RPS6KC1: variants seen among roughly 807,000 people sequenced by gnomAD.
The protein encoded by RPS6KC1 is inactive ribosomal protein S6 kinase delta-1.
RPS6KC1 carries 54 observed loss-of-function variants against 103.8 expected under a neutral mutation model. The ratio of observed to expected loss-of-function variants is 0.52; its 90% CI spans 0.42 to 0.65. The LOEUF is 0.65. RPS6KC1 is among the 30% of genes least tolerant of loss of function. The pLI, the probability that RPS6KC1 is intolerant of heterozygous loss-of-function variation, is 0.00. For synonymous variants in RPS6KC1, 439 were observed against 438.7 expected (o/e 1.00, Z -0.01); for missense variants, 1,151 against 1,253.8 (o/e 0.92, Z 1.24).
At chr1:213,586,079 C>T in the RPS6KC1 span, among the ~76,000 whole-genome samples, 1 of 152,200 alleles carries the variant, frequency 6.6e-6, no homozygotes, top group African/African-American at 2.4e-5. Context: ...CGATTCTTTG[C>T]TCCCTCTCTG....
chr1:213,653,718 G>C, the RPS6KC1 span, among the ~76,000 whole-genome samples: 2 of 152,164 alleles, frequency 1.3e-5, no homozygotes, highest in African/African-American at 2.4e-5. Flanking sequence ...TTTTGCTTAT[G>C]GTTGTAACGC....
intron 14 of RPS6KC1, among the ~76,000 whole-genome samples, chr1:213,263,861 A>G (rs557894818): frequency 1.3e-5 from 2 of 152,194 alleles, no homozygotes; most frequent in African/African-American, 4.8e-5. Context: ...TAATCCGTGG[A>G]GTGGTAGTAT....
intron 6 of RPS6KC1, among the ~76,000 whole-genome samples, chr1:213,151,964 G>A (rs1476358175): frequency 5.6e-5 from 7 of 125,174 alleles, no homozygotes; most frequent in African/African-American, 9.7e-5. Context: ...GGGGCGGCTG[G>A]CCGGGCAGAG....
chr1:213,522,531 G>T, the RPS6KC1 span, among the ~76,000 whole-genome samples: 1 of 152,312 alleles, frequency 6.6e-6, no homozygotes, highest in East Asian at 1.9e-4. Context: ...CTCTAGCTAT[G>T]AAAGTCCTAG....
At chr1:213,654,555 A>G in the RPS6KC1 span, among the ~76,000 whole-genome samples, 2 of 152,204 alleles carry the variant, frequency 1.3e-5, no homozygotes, top group Non-Finnish European at 2.9e-5. Flanking sequence ...CATAATCTCA[A>G]GAACATCCAT....
the RPS6KC1 span, among the ~76,000 whole-genome samples, chr1:213,326,848 A>G: frequency 4.6e-5 from 7 of 152,178 alleles, no homozygotes; most frequent in Admixed American, 3.3e-4. Flanking sequence ...ACAGATTCAG[A>G]CAGATTTGGG....
the RPS6KC1 span, among the ~76,000 whole-genome samples, chr1:213,323,214 A>C: frequency 6.6e-6 from 1 of 151,854 alleles, no homozygotes; most frequent in Non-Finnish European, 1.5e-5. Flanking sequence ...CCCACCCCAT[A>C]ATCTAGGATA....
the RPS6KC1 span, among the ~76,000 whole-genome samples, chr1:213,844,695 G>T: frequency 3.9e-5 from 6 of 152,128 alleles, no homozygotes; most frequent in Non-Finnish European, 5.9e-5. Flanking sequence ...TTTATGTGAT[G>T]ATGCATTTAT....
At chr1:213,808,795 G>A in the RPS6KC1 span, among the ~76,000 whole-genome samples, 3 of 152,162 alleles carry the variant, frequency 2.0e-5, no homozygotes, top group African/African-American at 4.8e-5. Context: ...ACTGACCTGC[G>A]CCCACTGTCT....
At chr1:213,536,622 G>A in the RPS6KC1 span, among the ~76,000 whole-genome samples, 9 of 152,270 alleles carry the variant, frequency 5.9e-5, no homozygotes, top group East Asian at 9.6e-4. Context: ...AAGGTGAGCC[G>A]TTGAGTGTGT....
At chr1:213,771,014 T>C in the RPS6KC1 span, among the ~76,000 whole-genome samples, 1 of 152,206 alleles carries the variant, frequency 6.6e-6, no homozygotes, top group Non-Finnish European at 1.5e-5. Flanking sequence ...AGGGGCTTTG[T>C]CCAGGATGTG....
chr1:213,768,755 T>G, the RPS6KC1 span, among the ~76,000 whole-genome samples: 1 of 152,210 alleles, frequency 6.6e-6, no homozygotes. Flanking sequence ...ATTAGTAAAC[T>G]CTTTCAATGG....
chr1:213,526,371 A>G, the RPS6KC1 span, among the ~76,000 whole-genome samples: 1 of 152,194 alleles, frequency 6.6e-6, no homozygotes, highest in Non-Finnish European at 1.5e-5. Context: ...TGCTGGGCAC[A>G]CTGAGGGCCC....
At chr1:213,690,381 G>A in the RPS6KC1 span, among the ~76,000 whole-genome samples, 2 of 152,196 alleles carry the variant, frequency 1.3e-5, no homozygotes, top group Admixed American at 6.5e-5. Context: ...GGAAAGCAAG[G>A]AGGAAGCAGA....
intron 14 of RPS6KC1, among the ~76,000 whole-genome samples, chr1:213,263,181 T>C (rs1375425614): frequency 6.6e-6 from 1 of 152,204 alleles, no homozygotes; most frequent in Non-Finnish European, 1.5e-5. Context: ...CAATTTTTAA[T>C]TCTTACTTAT....
intron 6 of RPS6KC1, among the ~76,000 whole-genome samples, chr1:213,133,748 T>TA (rs1353146467): frequency 2.0e-5 from 3 of 152,146 alleles, no homozygotes; most frequent in Non-Finnish European, 4.4e-5. Context: ...AACTAAGACT[T>TA]ACATAAATTA....
the RPS6KC1 span, among the ~76,000 whole-genome samples, chr1:213,626,738 G>T: frequency 6.6e-6 from 1 of 152,134 alleles, no homozygotes; most frequent in Non-Finnish European, 1.5e-5. Context: ...GATAGTTGTA[G>T]ATATGTGGCA....
At chr1:213,346,839 G>T in the RPS6KC1 span, among the ~76,000 whole-genome samples, 1 of 152,110 alleles carries the variant, frequency 6.6e-6, no homozygotes, top group Admixed American at 6.6e-5. Flanking sequence ...GCTTGTCTCA[G>T]GAAGAGGATG....
At chr1:213,742,808 G>A in the RPS6KC1 span, among the ~76,000 whole-genome samples, 1 of 152,236 alleles carries the variant, frequency 6.6e-6, no homozygotes, top group Non-Finnish European at 1.5e-5. Context: ...TAGTCAGAGT[G>A]AGCAGAGAAA....
Sources: gnomAD v4.1 joint callset for allele counts (sites outside exome capture counted in the v4.1 genomes callset) on GRCh38, gnomAD v4.1.1 for gene constraint, MANE v1.5 for transcripts, NCBI Gene and HGNC (gene_info 2026-07-23, HGNC 2026-07-21) for gene names.